Variants in INO80 observed in about 807,000 individuals in gnomAD.
The protein encoded by INO80 is INO80 complex ATPase subunit.
In INO80, 20 loss-of-function variants were observed where a neutral mutation model predicts 203.4. The ratio of observed to expected loss-of-function variants is 0.10; its 90% CI spans 0.07 to 0.14. The LOEUF is 0.14. Among genes scored for constraint, INO80 ranks in the 10% least tolerant of loss-of-function variants. INO80 has a pLI of 1.00. For synonymous variants in INO80, 726 were observed against 685.2 expected (o/e 1.06, Z -0.93); for missense variants, 1,419 against 1,914.4 (o/e 0.74, Z 4.83).
At chr15:41,093,562 A>G (rs941418883) in intron 4 of INO80, among the ~76,000 whole-genome samples, 8 of 152,074 alleles carry the variant, frequency 5.3e-5, no homozygotes, top group South Asian at 2.1e-4. Context: ...CTAAATTTTA[A>G]CCTGTAAAAG....
Position 41,070,562 on chromosome 15 carries a change from T to A in INO80, c.1606-15A>T, listed in dbSNP as rs769161841. ...CCATTAATACCCTGGGGAAAAAAAATACATGGTCAACACCTCATGCATTTC... is the reference window on the plus strand; with the variant it reads ...CCATTAATACCCTGGGGAAAAAAAAAACATGGTCAACACCTCATGCATTTC... On this transcript the variant is annotated splice_polypyrimidine_tract_variant and intron_variant, in intron 12 of 35. Transcript: ENST00000648947. 15 of 1,598,648 alleles carry A rather than the reference T, an allele frequency of 9.4e-6. No homozygotes were observed. The highest frequency in any genetic ancestry group is 1.3e-5 in the Non-Finnish European group (15 of 1,166,168).
intron 26 of INO80, among the ~76,000 whole-genome samples, chr15:41,016,438 T>C (rs2044212057): frequency 6.6e-6 from 1 of 152,210 alleles, no homozygotes; most frequent in African/African-American, 2.4e-5. Context: ...GATTCCCTGA[T>C]CACTCCCAAT....
chr15:41,111,296 A>C (rs2045954721), intron 1 of INO80, among the ~76,000 whole-genome samples: 1 of 152,104 alleles, frequency 6.6e-6, no homozygotes, highest in Non-Finnish European at 1.5e-5. Context: ...AGATACAAAA[A>C]TTAGCTGGGT....
intron 14 of INO80, among the ~76,000 whole-genome samples, chr15:41,063,429 A>C (rs1219265707): frequency 6.6e-6 from 1 of 152,134 alleles, no homozygotes; most frequent in Non-Finnish European, 1.5e-5. Context: ...TTAAAACTCA[A>C]TATATCAGCA....
intron 10 of INO80, 45 bp from the exon 11 acceptor site, chr15:41,073,540 T>G: frequency 6.8e-7 from 1 of 1,465,596 alleles, no homozygotes; most frequent in Non-Finnish European, 9.6e-7. Flanking sequence ...TCAACTGATT[T>G]TGTTCTAAGA....
intron 9 of INO80, among the ~76,000 whole-genome samples, chr15:41,078,193 C>T (rs1279217502): frequency 3.9e-5 from 6 of 152,012 alleles, no homozygotes; most frequent in Admixed American, 6.6e-5. Context: ...CCACCGCGCC[C>T]GGCCAAGAAT....
intron 24 of INO80, among the ~76,000 whole-genome samples, chr15:41,038,754 A>C (rs1001237820): frequency 6.6e-6 from 1 of 152,232 alleles, no homozygotes; most frequent in African/African-American, 2.4e-5. Context: ...CATCTGCCTT[A>C]ACATGGATTG....
chr15:41,087,528 T>A, intron 6 of INO80, 34 bp downstream of exon 6: 1 of 1,609,422 alleles, frequency 6.2e-7, no homozygotes, highest in Non-Finnish European at 8.5e-7. Context: ...AAACTAAGAA[T>A]GAATATACGT....
chr15:41,052,444 G>A (rs747697646), intron 19 of INO80, among the ~76,000 whole-genome samples: 1 of 151,914 alleles, frequency 6.6e-6, no homozygotes, highest in Non-Finnish European at 1.5e-5. Flanking sequence ...AGGTTGAGGT[G>A]GGAGGATTGC....
chr15:40,995,796 G>C (rs562006100), intron 29 of INO80, among the ~76,000 whole-genome samples: 29 of 152,226 alleles, frequency 1.9e-4, no homozygotes, highest in African/African-American at 6.7e-4. Flanking sequence ...ATCTGATATG[G>C]TAGAAACTAT....
chr15:41,094,860 G>A (rs904374115), intron 4 of INO80, among the ~76,000 whole-genome samples: 2 of 151,992 alleles, frequency 1.3e-5, no homozygotes, highest in African/African-American at 2.4e-5. Context: ...GACCTCACGC[G>A]ACAGGTCACA....
At chr15:41,030,794 C>A (rs1187200844) in intron 24 of INO80, among the ~76,000 whole-genome samples, 1 of 152,102 alleles carries the variant, frequency 6.6e-6, no homozygotes, top group Non-Finnish European at 1.5e-5. Context: ...CCTGCCTCAG[C>A]CTCCCGAGTA....
At chr15:41,097,351 C>T (rs1165171398) in intron 1 of INO80, among the ~76,000 whole-genome samples, 1 of 151,912 alleles carries the variant, frequency 6.6e-6, no homozygotes, top group Non-Finnish European at 1.5e-5. Context: ...CAGCCTTCTC[C>T]CACCACTTTC....
At chr15:40,997,290 C>CAA (rs2043892847) in intron 29 of INO80, among the ~76,000 whole-genome samples, 1 of 151,744 alleles carries the variant, frequency 6.6e-6, no homozygotes, top group African/African-American at 2.4e-5. Flanking sequence ...AAAACAAAAA[C>CAA]AAAAAAACTT....
chr15:40,998,983 T>TAAACACACAC (rs2043919824), intron 28 of INO80, among the ~76,000 whole-genome samples: 1 of 140,348 alleles, frequency 7.1e-6, no homozygotes, highest in Admixed American at 7.2e-5. Flanking sequence ...AAGATTTATC[T>TAAACACACAC]ACACACACAC....
In INO80 at chr15:41,085,600, T is replaced by C; in HGVS notation, c.659-17A>G. The C allele has an allele frequency of 6.2e-7, 1 of 1,602,798 alleles. No individual in the cohort carries two copies. The highest frequency in any genetic ancestry group is 8.5e-7 in the Non-Finnish European group (1 of 1,170,798). On this transcript the variant is annotated splice_polypyrimidine_tract_variant and intron_variant, in intron 6 of 35. Transcript: ENST00000648947. ...TCAACTTAGCTGCAAAAGAAACAGATGCAACAGGTTGCACTTCCACAGGAG... is the reference window on the plus strand; with the variant it reads ...TCAACTTAGCTGCAAAAGAAACAGACGCAACAGGTTGCACTTCCACAGGAG...
chr15:40,987,885 A>C lies in INO80; in HGVS notation c.3660T>G (p.Thr1220=), dbSNP rs368293981. Residue 1220 remains threonine, a synonymous_variant, in exon 30 of 36, where the codon ACT becomes ACG. Transcript: ENST00000648947. ...AHRLGQTKQV[T]VYRLICKGTI... ...TGCCTTTACAGATGAGCCGGTACACAGTAACCTGCTTTGTCTGCCCTAAGC... is the reference window on the plus strand; with the variant it reads ...TGCCTTTACAGATGAGCCGGTACACCGTAACCTGCTTTGTCTGCCCTAAGC... 1 of 1,614,164 alleles carries C rather than the reference A, an allele frequency of 6.2e-7. No individual in the cohort carries two copies. Among genetic ancestry groups the C allele is most frequent in the Admixed American group, 1.7e-5 (1 of 60,026 alleles).
At chr15:41,001,065 A>G (rs1462490990) in intron 28 of INO80, among the ~76,000 whole-genome samples, 1 of 152,240 alleles carries the variant, frequency 6.6e-6, no homozygotes, top group Admixed American at 6.5e-5. Flanking sequence ...TGTAAAAAAC[A>G]AAAGTATCTA....
intron 20 of INO80, among the ~76,000 whole-genome samples, 180 bp from the exon 21 acceptor site, chr15:41,049,600 AAAGACAACTTC>A (rs1438574230): frequency 6.6e-6 from 1 of 152,222 alleles, no homozygotes; most frequent in African/African-American, 2.4e-5. Context: ...AAAGGTTAAT[AAAGACAACTTC>A]AAGGCCAGGC....
Sources: gnomAD v4.1 joint callset for allele counts (sites outside exome capture counted in the v4.1 genomes callset) on GRCh38, gnomAD v4.1.1 for gene constraint, MANE v1.5 for transcripts, NCBI Gene and HGNC (gene_info 2026-07-23, HGNC 2026-07-21) for gene names.